The following EPB41L4A variants were observed in gnomAD, a reference collection of about 807,000 sequenced individuals.
The protein encoded by EPB41L4A is band 4.1-like protein 4A.
In EPB41L4A, 100 loss-of-function variants were observed where a neutral mutation model predicts 108.6. The observed-to-expected ratio is 0.92, with a 90% CI of 0.78 to 1.09. The LOEUF (loss-of-function observed/expected upper bound fraction) is 1.09, where lower values mean the gene tolerates loss of function less well. Ranked by LOEUF, EPB41L4A falls within the 50% of genes least tolerant of loss-of-function variation. EPB41L4A has a pLI of 0.00. For synonymous variants in EPB41L4A, 319 were observed against 289.0 expected, an observed-to-expected ratio of 1.10 and a Z score of -1.05; for missense variants, 1,030 against 842.7, an observed-to-expected ratio of 1.22 and a Z score of -2.75.
intron 4 of EPB41L4A, among the ~76,000 whole-genome samples, chr5:112,267,639 C>T (rs1751954509): frequency 6.6e-6 from 1 of 151,834 alleles, no homozygotes; most frequent in East Asian, 1.9e-4. Flanking sequence ...CTCTCCATCC[C>T]CTACACCAGG....
chr5:112,371,968 T>C lies in EPB41L4A; in HGVS notation c.99+46973A>G, dbSNP rs769606854. On this transcript the variant is annotated intron_variant, in intron 1 of 22. Coordinates refer to ENST00000261486, the MANE Select transcript of EPB41L4A (RefSeq NM_022140.5). Reference sequence around the variant, plus strand: ...TACTCAGCAGGCTAAAATAGTAGGATGGCTTGAGCCCAGGAGTTTAAGACC... The same window carrying C: ...TACTCAGCAGGCTAAAATAGTAGGACGGCTTGAGCCCAGGAGTTTAAGACC... 3.9e-5 allele frequency among the ~76,000 whole-genome samples: 6 copies of C among 152,134 alleles called. No individual in the cohort carries two copies. In the East Asian group the frequency reaches 5.8e-4, roughly 15 times the overall value.
chr5:112,301,246 T>C (rs931916896), intron 2 of EPB41L4A, among the ~76,000 whole-genome samples: 2 of 152,208 alleles, frequency 1.3e-5, no homozygotes, highest in African/African-American at 4.8e-5. Flanking sequence ...ATTACCAGAA[T>C]TGTTTTTCTG....
chr5:112,324,714 T>C (rs1580688316), intron 1 of EPB41L4A, among the ~76,000 whole-genome samples: 1 of 124,022 alleles, frequency 8.1e-6, no homozygotes, highest in African/African-American at 3.5e-5. Flanking sequence ...AGAGTGAGAG[T>C]CTGTCTAAAA....
At chr5:112,321,311 C>A (rs1199156980) in intron 1 of EPB41L4A, among the ~76,000 whole-genome samples, 1 of 152,180 alleles carries the variant, frequency 6.6e-6, no homozygotes, top group East Asian at 1.9e-4. Context: ...CTTTTCTTCT[C>A]ACCTTTCCTG....
chr5:112,364,095 T>A (rs1758964436), intron 1 of EPB41L4A, among the ~76,000 whole-genome samples: 1 of 152,156 alleles, frequency 6.6e-6, no homozygotes, highest in Non-Finnish European at 1.5e-5. Context: ...TGGCGCAACC[T>A]CAGCTCACTG....
chr5:112,147,520 G>T (rs1290811008), intron 12 of EPB41L4A, among the ~76,000 whole-genome samples: 2 of 151,630 alleles, frequency 1.3e-5, no homozygotes, highest in African/African-American at 2.4e-5. Context: ...TGTGCCTGTG[G>T]TCTCAGCTAC....
Position 112,264,609 on chromosome 5 carries a change from T to C in EPB41L4A, c.554+287A>G, listed in dbSNP as rs115675991. ...TATCATAAATACATGAACCTATGTA[T>C]GACAAATTTTCTCTGGGAAATTGTA... On this transcript the variant is annotated intron_variant, in intron 6 of 22. Coordinates refer to ENST00000261486, the MANE Select transcript of EPB41L4A (RefSeq NM_022140.5). The C allele has an allele frequency of 5.8e-3, 1,287 of 223,262 alleles. 4 individuals are homozygous for C. Among genetic ancestry groups the C allele is most frequent in the Middle Eastern group, 0.011 (7 of 636 alleles). The allele number at this position is 223,262 out of a possible 1,614,324, so 13.8% of individuals were successfully genotyped here. A position where few individuals can be genotyped will look rare whatever the true frequency, so the allele number is the denominator to read the frequency against.
intron 1 of EPB41L4A, among the ~76,000 whole-genome samples, chr5:112,375,323 G>GCA (rs1554106194): frequency 2.8e-5 from 4 of 142,456 alleles, no homozygotes; most frequent in African/African-American, 1.1e-4. Flanking sequence ...TCTCTCTCTC[G>GCA]CACACACACA....
At chr5:112,184,178 T>G in intron 17 of EPB41L4A, 43 bp from the exon 18 acceptor site, 1 of 1,605,784 alleles carries the variant, frequency 6.2e-7, no homozygotes, top group Non-Finnish European at 8.5e-7. Context: ...TCTACATGGA[T>G]GGCGCGTTTT....
rs1213023083 is a variant in EPB41L4A at position 112,239,654 on chromosome 5, AT to A, written c.965+5del. ...ACATCCCCCCAAGGAAAAAAATGTC[AT>A]TTACCTGTAGCGGTGCTTATAACGT... is the stretch of plus-strand genomic sequence containing the variant. On this transcript the variant is annotated splice_donor_5th_base_variant and intron_variant, in intron 11 of 22. Transcript: ENST00000261486. 1 of 1,576,794 alleles carries A rather than the reference AT, an allele frequency of 6.3e-7. No homozygotes were observed. The highest frequency in any genetic ancestry group is 1.2e-5 in the South Asian group (1 of 85,238).
At chr5:112,194,137 CAT>C (rs58756242) in intron 17 of EPB41L4A, among the ~76,000 whole-genome samples, 12,541 of 151,306 alleles carry the variant, frequency 0.083, 1,502 homozygotes, top group African/African-American at 0.26. Flanking sequence ...ATATTATTAG[CAT>C]ATATATATAT....
At chr5:112,185,782 A>G (rs558042363) in intron 17 of EPB41L4A, among the ~76,000 whole-genome samples, 2 of 152,326 alleles carry the variant, frequency 1.3e-5, no homozygotes, top group African/African-American at 4.8e-5. Flanking sequence ...TTGAGGTCAT[A>G]ATTATTAATC....
intron 1 of EPB41L4A, among the ~76,000 whole-genome samples, chr5:112,385,186 C>A (rs1760430008): frequency 6.6e-6 from 1 of 152,194 alleles, no homozygotes; most frequent in Non-Finnish European, 1.5e-5. Flanking sequence ...AGAGGGAAAG[C>A]AAGTCCAACG....
rs555229969 is a variant in EPB41L4A at position 112,210,640 on chromosome 5, G to A, written c.1088-658C>T. On this transcript the variant is annotated intron_variant, in intron 12 of 22. Transcript: ENST00000261486. ...TGGCAGACACAATGTTGGAAGTCAT[G>A]ATCGAAATAAAGATAACTGAAGGGT... Among the ~76,000 whole-genome samples, 4 of 152,270 alleles carry A rather than the reference G, an allele frequency of 2.6e-5. No individual in the cohort carries two copies. The East Asian group carries it at 5.8e-4, about 22-fold the overall frequency.
intron 2 of EPB41L4A, among the ~76,000 whole-genome samples, chr5:112,302,481 A>C (rs1580643391): frequency 6.6e-6 from 1 of 152,322 alleles, no homozygotes; most frequent in East Asian, 1.9e-4. Context: ...ACAACAGCTA[A>C]AACATTATGT....
At chr5:112,173,150 A>G (rs535060810) in intron 18 of EPB41L4A, among the ~76,000 whole-genome samples, 1 of 152,340 alleles carries the variant, frequency 6.6e-6, no homozygotes, top group East Asian at 1.9e-4. Flanking sequence ...TTATGTGAGT[A>G]CTAGAATAGT....
chr5:112,394,175 G>A (rs1761163188), intron 1 of EPB41L4A, among the ~76,000 whole-genome samples: 1 of 152,284 alleles, frequency 6.6e-6, no homozygotes, highest in African/African-American at 2.4e-5. Flanking sequence ...TTTGAAAACT[G>A]CCACAAGACA....
chr5:112,300,541 T>C (rs946609888), intron 2 of EPB41L4A, among the ~76,000 whole-genome samples: 5 of 152,322 alleles, frequency 3.3e-5, no homozygotes, highest in Admixed American at 2.6e-4. Context: ...GGTTTTCCTT[T>C]ATAGATTACC....
In EPB41L4A at chr5:112,194,583, C is replaced by A; in HGVS notation, c.1487G>T (p.Arg496Leu). The A allele has an allele frequency of 6.3e-7, 1 of 1,592,948 alleles. No homozygotes were observed. Among genetic ancestry groups the A allele is most frequent in the Non-Finnish European group, 8.6e-7 (1 of 1,165,318 alleles). Residue 496 changes from arginine (R) to leucine (L), a missense_variant, in exon 17 of 23, where the codon CGG becomes CTG. Arg to Leu is a moderately radical substitution (Grantham distance 102, BLOSUM62 -2). Transcript: ENST00000261486. ...SESENSNREYRKKRNRIRQEN... is the reference protein window; with the variant it reads ...SESENSNREYLKKRNRIRQEN... The stretch of plus-strand genomic sequence containing the variant: ...GAGATATTACCTGTTTCTCTTTTTC[C>A]GGTATTCTCTATTAGAATTTTCTGA...
Sources: gnomAD v4.1 joint callset for allele counts (sites outside exome capture counted in the v4.1 genomes callset) on GRCh38, gnomAD v4.1.1 for gene constraint, MANE v1.5 for transcripts, NCBI Gene and HGNC (gene_info 2026-07-23, HGNC 2026-07-21) for gene names.